STMN2: variants seen among roughly 807,000 people sequenced by gnomAD.
STMN2 encodes the protein stathmin-2.
A neutral mutation model predicts 24.1 loss-of-function variants in STMN2; 2 were observed. The observed-to-expected ratio is 0.08, with a 90% CI of 0.03 to 0.26. The LOEUF (loss-of-function observed/expected upper bound fraction) is 0.26. STMN2 is among the 10% of genes least tolerant of loss of function. STMN2 has a pLI of 1.00. For synonymous variants in STMN2, 83 were observed against 77.5 expected (o/e 1.07, Z -0.37); for missense variants, 114 against 213.6 (o/e 0.53, Z 2.91).
At chr8:79,618,669 G>A (rs1312706375) in intron 1 of STMN2, among the ~76,000 whole-genome samples, 1 of 152,150 alleles carries the variant, frequency 6.6e-6, no homozygotes, top group Non-Finnish European at 1.5e-5. Context: ...TTGTCAAGGA[G>A]ACATTTGCAG....
chr8:79,624,323 G>A (rs1056778113), intron 1 of STMN2, among the ~76,000 whole-genome samples: 2 of 151,648 alleles, frequency 1.3e-5, no homozygotes, highest in Non-Finnish European at 2.9e-5. Context: ...GTGTGGTGGC[G>A]GGTGCCTGTA....
At chr8:79,628,116 C>A (rs1809703825) in intron 1 of STMN2, among the ~76,000 whole-genome samples, 1 of 151,724 alleles carries the variant, frequency 6.6e-6, no homozygotes, top group Admixed American at 6.6e-5. Context: ...GGATATATAC[C>A]CAGTAGTGGG....
chr8:79,625,961 C>A (rs1298533167), intron 1 of STMN2, among the ~76,000 whole-genome samples: 1 of 151,766 alleles, frequency 6.6e-6, no homozygotes, highest in East Asian at 1.9e-4. Context: ...AACTCTGACT[C>A]AAAAAAATAA....
At chr8:79,620,453 A>G (rs1210378423) in intron 1 of STMN2, among the ~76,000 whole-genome samples, 6 of 152,026 alleles carry the variant, frequency 3.9e-5, no homozygotes, top group Non-Finnish European at 7.4e-5. Flanking sequence ...TGGAGCACCA[A>G]CTTTGTTCTG....
chr8:79,630,970 G>T (rs982460996), intron 1 of STMN2, among the ~76,000 whole-genome samples: 1 of 152,052 alleles, frequency 6.6e-6, no homozygotes, highest in Non-Finnish European at 1.5e-5. Flanking sequence ...AGAATAAAGC[G>T]CTTTCATTAC....
chr8:79,614,625 G>T (rs111506549), intron 1 of STMN2, among the ~76,000 whole-genome samples: 43 of 152,178 alleles, frequency 2.8e-4, no homozygotes, highest in African/African-American at 1.0e-3. Context: ...TTCTCTGAGA[G>T]AAAGTATATT....
At chr8:79,637,415 T>C (rs1402094334) in intron 2 of STMN2, among the ~76,000 whole-genome samples, 1 of 152,202 alleles carries the variant, frequency 6.6e-6, no homozygotes, top group African/African-American at 2.4e-5. Flanking sequence ...AAAGAGGGTC[T>C]GAAAAGAAAA....
intron 4 of STMN2, among the ~76,000 whole-genome samples, chr8:79,656,515 A>G (rs1806373292): frequency 6.6e-6 from 1 of 152,234 alleles, no homozygotes; most frequent in Non-Finnish European, 1.5e-5. Flanking sequence ...ACTCAGATAC[A>G]GGGGAGCAAA....
At chr8:79,625,072 G>A (rs1267774936) in intron 1 of STMN2, among the ~76,000 whole-genome samples, 2 of 152,110 alleles carry the variant, frequency 1.3e-5, no homozygotes, top group East Asian at 3.9e-4. Flanking sequence ...ACTTGCTCCT[G>A]ATCACAAATG....
chr8:79,616,011 C>T (rs1809373891), intron 1 of STMN2, among the ~76,000 whole-genome samples: 1 of 152,128 alleles, frequency 6.6e-6, no homozygotes, highest in Non-Finnish European at 1.5e-5. Flanking sequence ...TAAAGAAAAT[C>T]ATTGTTTACT....
chr8:79,636,560 CT>C (rs1311901541), intron 1 of STMN2, among the ~76,000 whole-genome samples: 9 of 152,144 alleles, frequency 5.9e-5, no homozygotes, highest in African/African-American at 2.2e-4. Context: ...TTCTAACTCC[CT>C]TTCTTTCTCT....
chr8:79,612,961 G>A (rs560479242), intron 1 of STMN2, among the ~76,000 whole-genome samples: 79 of 152,132 alleles, frequency 5.2e-4, no homozygotes, highest in Non-Finnish European at 8.8e-4. Context: ...CCCCAGCACC[G>A]AGCCCCTCCC....
At chr8:79,626,327 G>T (rs1026212935) in intron 1 of STMN2, among the ~76,000 whole-genome samples, 8 of 152,170 alleles carry the variant, frequency 5.3e-5, no homozygotes, top group Admixed American at 2.6e-4. Flanking sequence ...AGAGAAGGTT[G>T]ATTATCTGCT....
At chr8:79,634,450 T>C (rs1281358383) in intron 1 of STMN2, among the ~76,000 whole-genome samples, 1 of 152,180 alleles carries the variant, frequency 6.6e-6, no homozygotes. Flanking sequence ...TTTAAGAAAA[T>C]AAGCTAAATA....
intron 1 of STMN2, among the ~76,000 whole-genome samples, chr8:79,612,142 C>A (rs910168472): frequency 6.6e-6 from 1 of 151,268 alleles, no homozygotes. Flanking sequence ...ACCCAGGAGC[C>A]CAACCCTGCG....
At chr8:79,649,546 T>C (rs763168184) in intron 3 of STMN2, among the ~76,000 whole-genome samples, 1 of 152,200 alleles carries the variant, frequency 6.6e-6, no homozygotes, top group Non-Finnish European at 1.5e-5. Context: ...ATGATTTTCA[T>C]TGTCAGCAGT....
intron 3 of STMN2, among the ~76,000 whole-genome samples, chr8:79,651,020 T>G (rs1430891264): frequency 2.0e-5 from 3 of 152,250 alleles, no homozygotes; most frequent in Non-Finnish European, 2.9e-5. Context: ...ATAGAATGCT[T>G]TCCACCATAA....
At chr8:79,650,210 G>A (rs1159899838) in intron 3 of STMN2, among the ~76,000 whole-genome samples, 1 of 152,118 alleles carries the variant, frequency 6.6e-6, no homozygotes, top group Non-Finnish European at 1.5e-5. Flanking sequence ...ATTTAGAAGT[G>A]TTCCTCCAAG....
chr8:79,621,687 G>A (rs1191612163), intron 1 of STMN2, among the ~76,000 whole-genome samples: 4 of 152,174 alleles, frequency 2.6e-5, no homozygotes, highest in South Asian at 2.1e-4. Context: ...GGTGGCCCAA[G>A]ATGGCAACCA....
Sources: gnomAD v4.1 joint callset for allele counts (sites outside exome capture counted in the v4.1 genomes callset) on GRCh38, gnomAD v4.1.1 for gene constraint, MANE v1.5 for transcripts, NCBI Gene and HGNC (gene_info 2026-07-23, HGNC 2026-07-21) for gene names.